Variants in EBF3 observed in about 807,000 individuals in gnomAD.
EBF3 encodes transcription factor COE3.
Under a neutral mutation model 77.1 loss-of-function variants are expected in EBF3, and 18 were observed. The ratio of observed to expected loss-of-function variants is 0.23; its 90% CI spans 0.16 to 0.35. The LOEUF (loss-of-function observed/expected upper bound fraction) is 0.35. Among genes scored for constraint, EBF3 ranks in the 10% least tolerant of loss-of-function variants. The pLI is 1.00. For synonymous variants in EBF3, 350 were observed against 343.5 expected (o/e 1.02, Z -0.21); for missense variants, 558 against 860.0 (o/e 0.65, Z 4.39).
chr10:129,890,161 T>G (rs915752773), intron 6 of EBF3, among the ~76,000 whole-genome samples: 8 of 152,132 alleles, frequency 5.3e-5, no homozygotes, highest in South Asian at 2.1e-4. Context: ...AATTTTTTCA[T>G]GTATAAAATC....
At chr10:129,873,233 G>A (rs561647911) in intron 8 of EBF3, among the ~76,000 whole-genome samples, 67 of 152,354 alleles carry the variant, frequency 4.4e-4, no homozygotes, top group South Asian at 2.5e-3. Flanking sequence ...GCCGTGGCAG[G>A]TGAATGGGAA....
rs904860327 is a variant in EBF3 at position 129,861,087 on chromosome 10, G to A, written c.1039+6054C>T. Among the ~76,000 whole-genome samples, 2 of 152,224 alleles carry A rather than the reference G, an allele frequency of 1.3e-5. No individual in the cohort carries two copies. The highest frequency in any genetic ancestry group is 6.5e-5 in the Admixed American group (1 of 15,290). ...TCCCGGCCCCACTCTTCAAAGGGCC[G>A]TGTTATCGAATCTCACCCCAGCACC... On this transcript the variant is annotated intron_variant, in intron 10 of 16. Coordinates refer to ENST00000440978, the MANE Select transcript of EBF3 (RefSeq NM_001375380.1). This position sits in a 1 kb window ranked among gnomAD's most constrained non-coding sequence, Gnocchi z 4.3.
At chr10:129,928,101 C>A (rs113659494) in intron 6 of EBF3, among the ~76,000 whole-genome samples, 1 of 152,180 alleles carries the variant, frequency 6.6e-6, no homozygotes, top group Non-Finnish European at 1.5e-5. Context: ...AAACTCAAGA[C>A]GTCCAGCCGA....
At chr10:129,871,610 T>G (rs58402345) in intron 8 of EBF3, among the ~76,000 whole-genome samples, 2,004 of 152,216 alleles carry the variant, frequency 0.013, 35 homozygotes, top group African/African-American at 0.046. Context: ...GGGAAGGGGT[T>G]TGGGGGACAA....
intron 4 of EBF3, among the ~76,000 whole-genome samples, chr10:129,961,596 G>A (rs1314762825): frequency 1.3e-5 from 2 of 152,206 alleles, no homozygotes; most frequent in East Asian, 3.8e-4. Flanking sequence ...GGACGGGTTG[G>A]AGTGACCCCT....
chr10:129,844,384 CAG>C (rs1850306392), intron 11 of EBF3, among the ~76,000 whole-genome samples: 2 of 152,206 alleles, frequency 1.3e-5, no homozygotes, highest in African/African-American at 4.8e-5. Context: ...TGGTGCCTCA[CAG>C]ACACACCAGC....
At chr10:129,956,502 G>C (rs1859048374) in intron 6 of EBF3, among the ~76,000 whole-genome samples, 1 of 152,196 alleles carries the variant, frequency 6.6e-6, no homozygotes, top group Admixed American at 6.5e-5. Context: ...GGCGAGGAGG[G>C]TGGTGGTGTT....
chr10:129,881,782 G>A (rs1853232252), intron 6 of EBF3, among the ~76,000 whole-genome samples: 1 of 152,188 alleles, frequency 6.6e-6, no homozygotes, highest in African/African-American at 2.4e-5. Context: ...GGGTGGAGGG[G>A]CAGCTGGGTG....
At chr10:129,871,987 G>A (rs932046609) in intron 8 of EBF3, among the ~76,000 whole-genome samples, 3 of 152,164 alleles carry the variant, frequency 2.0e-5, no homozygotes, top group African/African-American at 7.2e-5. Flanking sequence ...ACCCACTAGT[G>A]GCCTTTATTT....
chr10:129,836,090 G>C lies in EBF3; in HGVS notation c.*1853C>G, dbSNP rs1849594920. On this transcript the variant is annotated 3_prime_UTR_variant, in exon 17 of 17. Coordinates refer to ENST00000440978, the MANE Select transcript of EBF3 (RefSeq NM_001375380.1). ...GCAGCAGAAATAGTCCCAGAAAGGA[G>C]AGACGGGTCATGCAGCGGGCTTGTG... is the stretch of plus-strand genomic sequence containing the variant. The C allele has an allele frequency of 6.6e-6, 1 of 152,670 alleles. No individual in the cohort carries two copies. The highest frequency in any genetic ancestry group is 2.1e-4 in the South Asian group (1 of 4,820). 9.5% of individuals were successfully genotyped at this position (152,670 alleles called of 1,614,324 possible). A position where few individuals can be genotyped will look rare whatever the true frequency, so the allele number is the denominator to read the frequency against.
intron 6 of EBF3, among the ~76,000 whole-genome samples, chr10:129,883,450 G>T (rs1469450840): frequency 1.3e-5 from 2 of 152,308 alleles, no homozygotes; most frequent in East Asian, 3.9e-4. Flanking sequence ...TTTATTGTGG[G>T]GGATGGGGGG....
At chr10:129,838,216 TGGAAA>T (rs1180581193) in intron 16 of EBF3, among the ~76,000 whole-genome samples, 2 of 152,196 alleles carry the variant, frequency 1.3e-5, no homozygotes, top group African/African-American at 4.8e-5. Flanking sequence ...AGGCTTCTTT[TGGAAA>T]AGGGAAGGGC....
chr10:129,850,241 G>A (rs1371951233), intron 10 of EBF3, among the ~76,000 whole-genome samples: 1 of 152,190 alleles, frequency 6.6e-6, no homozygotes, highest in African/African-American at 2.4e-5. Context: ...ATAGATGGGC[G>A]GCCATTATTG....
rs1244581043 is a variant in EBF3 at position 129,948,261 on chromosome 10, A to C, written c.554+8997T>G. ...CAACAAGAGCAAAAACTCCGTCTCA[A>C]AAAAAAAAAAAAAAAAAAAAAAAAG... On this transcript the variant is annotated intron_variant, in intron 6 of 16. Coordinates refer to ENST00000440978, the MANE Select transcript of EBF3 (RefSeq NM_001375380.1). Among the ~76,000 whole-genome samples, 56 of 86,602 alleles carry C rather than the reference A, an allele frequency of 6.5e-4. 1 individual carries two copies. The highest frequency in any genetic ancestry group is 8.6e-4 in the Non-Finnish European group (39 of 45,214). 56.8% of individuals were successfully genotyped at this position (86,602 alleles called of 152,430 possible).
At chr10:129,867,958 C>T (rs779554152) in intron 8 of EBF3, 46 bp from the exon 9 acceptor site, 2 of 1,599,914 alleles carry the variant, frequency 1.3e-6, no homozygotes, top group East Asian at 2.2e-5. Context: ...CCCCGTCCTC[C>T]TCCGACGCTG....
intron 6 of EBF3, among the ~76,000 whole-genome samples, chr10:129,950,089 C>T (rs1000608734): frequency 2.0e-5 from 3 of 151,820 alleles, no homozygotes; most frequent in African/African-American, 7.3e-5. Context: ...TGGGCAAATG[C>T]ACGGCCTCCT....
chr10:129,837,314 A>G lies in EBF3; in HGVS notation c.*629T>C, dbSNP rs1208986878. On this transcript the variant is annotated 3_prime_UTR_variant, in exon 17 of 17. Coordinates refer to ENST00000440978, the MANE Select transcript of EBF3 (RefSeq NM_001375380.1). ...ATCAAAGTTACAATTTCTAACTACA[A>G]TAAGTTACAAAGTTTCATTTCATGA... The G allele has an allele frequency of 6.5e-6, 1 of 152,692 alleles. No individual in the cohort carries two copies. The highest frequency in any genetic ancestry group is 1.5e-5 in the Non-Finnish European group (1 of 68,078). The allele number at this position is 152,692 out of a possible 1,614,324, so 9.5% of individuals were successfully genotyped here.
intron 6 of EBF3, among the ~76,000 whole-genome samples, chr10:129,895,057 C>T (rs183210481): frequency 1.3e-5 from 2 of 152,198 alleles, no homozygotes; most frequent in Admixed American, 6.5e-5. Context: ...GCATGCGGAA[C>T]GGGGACAGTA....
intron 8 of EBF3, among the ~76,000 whole-genome samples, chr10:129,872,943 A>T (rs968186869): frequency 1.3e-5 from 2 of 152,212 alleles, no homozygotes; most frequent in African/African-American, 4.8e-5. Context: ...TTAAAAAAAA[A>T]AACGTATGCT....
Sources: allele counts gnomAD v4.1 joint callset (sites outside exome capture counted in the v4.1 genomes callset), GRCh38; gene constraint gnomAD v4.1.1; non-coding constraint Gnocchi (gnomAD v3.1); transcripts MANE v1.5; gene names NCBI Gene and HGNC (gene_info 2026-07-23, HGNC 2026-07-21).